Variants in SYN3 observed in about 807,000 individuals in gnomAD.
SYN3 encodes synapsin III, also known as synapsin-3.
In SYN3, 35 loss-of-function variants were observed where a neutral mutation model predicts 65.8. The ratio of observed to expected loss-of-function variants is 0.53; its 90% CI spans 0.41 to 0.70. The LOEUF is 0.70. Ranked by LOEUF, SYN3 falls within the 30% of genes least tolerant of loss-of-function variation. The pLI is 0.00. For missense variants in SYN3, 680 were observed against 749.0 expected (o/e 0.91, Z 1.08); for synonymous variants, 270 against 292.9 (o/e 0.92, Z 0.80).
chr22:32,550,622 G>A (rs2058399503), intron 7 of SYN3, among the ~76,000 whole-genome samples: 1 of 151,304 alleles, frequency 6.6e-6, no homozygotes, highest in Admixed American at 6.6e-5. Flanking sequence ...AAAATATCAG[G>A]ATGAATTTAT....
intron 6 of SYN3, among the ~76,000 whole-genome samples, chr22:32,712,571 A>G (rs756246415): frequency 1.3e-5 from 2 of 152,004 alleles, no homozygotes; most frequent in East Asian, 3.9e-4. Flanking sequence ...AGCTCACAAG[A>G]CCATGTGATT....
intron 1 of SYN3, among the ~76,000 whole-genome samples, chr22:33,041,121 G>T (rs575506434): frequency 3.9e-5 from 6 of 152,036 alleles, no homozygotes; most frequent in Non-Finnish European, 8.8e-5. Context: ...TTTTCACCAT[G>T]TTGGCCAGGA....
At chr22:32,559,856 GAA>G (rs2058560563) in intron 7 of SYN3, among the ~76,000 whole-genome samples, 1 of 150,650 alleles carries the variant, frequency 6.6e-6, no homozygotes, top group Non-Finnish European at 1.5e-5. Context: ...AAGAAAAAAA[GAA>G]AAGACCTTAA....
In SYN3 at chr22:32,812,259, A is replaced by G. The variant is rs73885107; in HGVS notation, c.711+52656T>C. On this transcript the variant is annotated intron_variant, in intron 6 of 13. Coordinates refer to ENST00000358763, the MANE Select transcript of SYN3 (RefSeq NM_003490.4). ...CCTAAATCTGTCAACCACACCCTTC[A>G]GTAGGTAACTTTGTTAGAAATATGG... 9.5e-3 allele frequency among the ~76,000 whole-genome samples: 1,445 copies of G among 152,320 alleles called. 25 individuals are homozygous for G. Among genetic ancestry groups the G allele is most frequent in the African/African-American group, 0.034 (1,393 of 41,576 alleles).
intron 6 of SYN3, among the ~76,000 whole-genome samples, chr22:32,624,048 C>T (rs1411708674): frequency 6.6e-6 from 1 of 152,368 alleles, no homozygotes; most frequent in Non-Finnish European, 1.5e-5. Context: ...TTCTATGAGG[C>T]AATCCTCGGA....
intron 7 of SYN3, among the ~76,000 whole-genome samples, chr22:32,581,035 C>T (rs1178328090): frequency 6.6e-6 from 1 of 152,204 alleles, no homozygotes; most frequent in Non-Finnish European, 1.5e-5. Flanking sequence ...TAAGTATCTA[C>T]AATTTTTTAA....
At chr22:32,906,053 C>A (rs1437213382) in intron 4 of SYN3, among the ~76,000 whole-genome samples, 1 of 152,162 alleles carries the variant, frequency 6.6e-6, no homozygotes, top group Non-Finnish European at 1.5e-5. Context: ...GACCTAGGAG[C>A]AGCTGAAACT....
In SYN3 at chr22:32,857,871, G is replaced by T. The variant is rs1281214210; in HGVS notation, c.711+7044C>A. On this transcript the variant is annotated intron_variant, in intron 6 of 13. Coordinates refer to ENST00000358763, the MANE Select transcript of SYN3 (RefSeq NM_003490.4). ...GGGGCTACAGTCCATTTTAAAAGGTGTTGGGTAGGGTGAAATAAAATCATG... is the reference window on the plus strand; with the variant it reads ...GGGGCTACAGTCCATTTTAAAAGGTTTTGGGTAGGGTGAAATAAAATCATG... 6 of 1,233,406 alleles carry T rather than the reference G, an allele frequency of 4.9e-6. No individual in the cohort carries two copies. In the East Asian group the frequency reaches 1.4e-4, roughly 29 times the overall value. The allele number at this position is 1,233,406 out of a possible 1,614,324, so 76.4% of individuals were successfully genotyped here.
At chr22:32,815,567 A>G (rs1055339436) in intron 6 of SYN3, among the ~76,000 whole-genome samples, 1 of 152,230 alleles carries the variant, frequency 6.6e-6, no homozygotes, top group African/African-American at 2.4e-5. Flanking sequence ...GGGACTTAAG[A>G]GGAATTAAAT....
At chr22:32,825,657 CAAAAAAAAAAAAAAAAAAAAAAA>C (rs130292) in intron 6 of SYN3, among the ~76,000 whole-genome samples, 36 of 28,590 alleles carry the variant, frequency 1.3e-3, no homozygotes, top group African/African-American at 3.2e-3. Context: ...GTTTCCATCT[CAAAAAAAAAAAAAAAAAAAAAAA>C]AAAAAAAAAA....
Position 32,864,904 on chromosome 22 carries a change from A to C in SYN3, c.711+11T>G, listed in dbSNP as rs561270348. The C allele has an allele frequency of 1.2e-6, 2 of 1,611,420 alleles. No homozygotes were observed. Among genetic ancestry groups the C allele is most frequent in the Admixed American group, 3.3e-5 (2 of 60,028 alleles). ...ATCATGCAAAGAAACAGAGTAAAAA[A>C]GGGCACTCACCATTGGCTTATGGTT... On this transcript the variant is annotated intron_variant, in intron 6 of 13. Coordinates refer to ENST00000358763, the MANE Select transcript of SYN3 (RefSeq NM_003490.4).
chr22:33,006,318 C>A (rs1403874567), intron 2 of SYN3, 34 bp downstream of exon 2: 3 of 1,561,374 alleles, frequency 1.9e-6, no homozygotes, highest in Non-Finnish European at 2.6e-6. Flanking sequence ...TCTCTTGCCC[C>A]AGAAGGTGGT....
intron 7 of SYN3, among the ~76,000 whole-genome samples, chr22:32,582,185 C>A (rs2058958146): frequency 6.6e-6 from 1 of 152,196 alleles, no homozygotes; most frequent in Non-Finnish European, 1.5e-5. Flanking sequence ...TGGCCTCGAA[C>A]TCCCAGCCTG....
chr22:32,664,546 C>G (rs2060261556), intron 6 of SYN3, among the ~76,000 whole-genome samples: 1 of 146,680 alleles, frequency 6.8e-6, no homozygotes, highest in Non-Finnish European at 1.5e-5. Context: ...TTTGGTGCAC[C>G]TGTCACTCGA....
chr22:32,512,675 G>A lies in SYN3; in HGVS notation c.*1017C>T, dbSNP rs2057705075. The A allele has an allele frequency of 6.6e-6, 1 of 152,194 alleles. No individual in the cohort carries two copies. The highest frequency in any genetic ancestry group is 2.4e-5 in the African/African-American group (1 of 41,440). 9.4% of individuals were successfully genotyped at this position (152,194 alleles called of 1,614,324 possible). On this transcript the variant is annotated 3_prime_UTR_variant, in exon 14 of 14. Transcript: ENST00000358763. ...CGGTTCCTAAACATATTTGGCCATG[G>A]GGCCCTTTTGAAATTGAGTAACCTA...
intron 6 of SYN3, among the ~76,000 whole-genome samples, chr22:32,683,572 C>T (rs2060551638): frequency 6.6e-6 from 1 of 152,146 alleles, no homozygotes; most frequent in African/African-American, 2.4e-5. Context: ...TGATGGCAAT[C>T]TTTGGCGTTC....
chr22:32,657,254 G>A (rs902298638), intron 6 of SYN3, among the ~76,000 whole-genome samples: 1 of 152,220 alleles, frequency 6.6e-6, no homozygotes, highest in East Asian at 1.9e-4. Context: ...CTCCTGAGTA[G>A]CTGGGACTAC....
intron 6 of SYN3, among the ~76,000 whole-genome samples, chr22:32,613,057 C>T (rs1443458602): frequency 6.6e-6 from 1 of 152,034 alleles, no homozygotes; most frequent in African/African-American, 2.4e-5. Context: ...TCTCTCTCTC[C>T]TGCTGCCATG....
chr22:32,926,978 C>T (rs2050490603), intron 4 of SYN3, among the ~76,000 whole-genome samples: 1 of 152,116 alleles, frequency 6.6e-6, no homozygotes, highest in Non-Finnish European at 1.5e-5. Context: ...CAGGGGAGAA[C>T]AAGAATATGG....
Sources: allele counts gnomAD v4.1 joint callset (sites outside exome capture counted in the v4.1 genomes callset), GRCh38; gene constraint gnomAD v4.1.1; transcripts MANE v1.5; gene names NCBI Gene and HGNC (gene_info 2026-07-23, HGNC 2026-07-21).